Variants in AXDND1 observed in about 807,000 individuals in gnomAD.
AXDND1 encodes the protein axonemal dynein light chain domain containing 1.
AXDND1 carries 110 observed loss-of-function variants against 137.5 expected under a neutral mutation model. That is an observed-to-expected ratio of 0.80 (90% CI 0.69 to 0.94). The LOEUF is 0.94. Among genes scored for constraint, AXDND1 ranks in the 40% least tolerant of loss-of-function variants. The pLI is 0.00. For synonymous variants in AXDND1, 414 were observed against 399.7 expected (o/e 1.04, Z -0.43); for missense variants, 1,191 against 1,169.8 (o/e 1.02, Z -0.26).
chr1:179,404,780 TAAG>T (rs1036025082), intron 11 of AXDND1, among the ~76,000 whole-genome samples: 15 of 152,308 alleles, frequency 9.8e-5, no homozygotes, highest in Admixed American at 5.9e-4. Flanking sequence ...CAGAATCAGT[TAAG>T]AAGAATTCCC....
Position 179,368,829 on chromosome 1 carries a change from A to T in AXDND1, c.127A>T (p.Met43Leu). 6.2e-7 allele frequency: 1 copy of T among 1,613,266 alleles called. No individual in the cohort carries two copies. Among genetic ancestry groups the T allele is most frequent in the Non-Finnish European group, 8.5e-7 (1 of 1,179,652 alleles). Residue 43 changes from methionine (M) to leucine (L), a missense_variant, in exon 3 of 26, where the codon ATG becomes TTG. By Grantham distance (15) the Met-to-Leu change is conservative. Coordinates refer to ENST00000367618, the MANE Select transcript of AXDND1 (RefSeq NM_144696.6). Reference protein sequence around the residue: ...GLPELKEKKNMVDRSKLLPTS... With the variant: ...GLPELKEKKNLVDRSKLLPTS... The stretch of plus-strand genomic sequence containing the variant: ...TCCTGAGCTAAAGGAGAAAAAAAAT[A>T]TGGTGGATCGTTCAAAACTCCTTCC...
In AXDND1 at chr1:179,430,516, T is replaced by C. The variant is rs750668200; in HGVS notation, c.1397T>C (p.Leu466Pro). ...AAATGGAGAAACTTAGTGAATAAAC[T>C]TAAACAAGAGGTAGAACAAATGGAA... Reference protein sequence around the residue: ...TQKWRNLVNKLKQEVEQMEES... With the variant: ...TQKWRNLVNKPKQEVEQMEES... Residue 466 changes from leucine (L) to proline (P), a missense_variant, in exon 14 of 26, where the codon CTT (leucine) becomes CCT (proline). By Grantham distance (98) the Leu-to-Pro change is moderately conservative. Coordinates refer to ENST00000367618, the MANE Select transcript of AXDND1 (RefSeq NM_144696.6). 3 of 1,614,002 alleles carry C rather than the reference T, an allele frequency of 1.9e-6. No homozygotes were observed. The South Asian group carries it at 3.3e-5, about 18-fold the overall frequency.
chr1:179,541,298 C>T (rs1034275392), intron 25 of AXDND1, among the ~76,000 whole-genome samples: 7 of 152,276 alleles, frequency 4.6e-5, no homozygotes, highest in South Asian at 2.1e-4. Context: ...GATGAGGCGA[C>T]GCCCTGCCCT....
chr1:179,473,656 C>T (rs1664246102), intron 17 of AXDND1, among the ~76,000 whole-genome samples: 1 of 151,970 alleles, frequency 6.6e-6, no homozygotes, highest in Non-Finnish European at 1.5e-5. Context: ...GTGTCCCCAC[C>T]CAAATCTCAT....
rs747665105 is a variant in AXDND1, at chr1:179,385,240, G to A, written c.744G>A (p.Met248Ile). 1.7e-5 allele frequency: 28 copies of A among 1,608,496 alleles called. No homozygotes were observed. The highest frequency in any genetic ancestry group is 2.2e-5 in the South Asian group (2 of 90,896). The change falls in exon 9 of 26, where the codon ATG becomes ATA. Residue 248 changes from methionine to isoleucine, a missense_variant and splice_region_variant. Physicochemically the swap from Met to Ile is conservative, Grantham distance 10. Transcript: ENST00000367618. ...ENQEYTGPTK[M>I]HKLLHILKKE... is the part of the protein sequence containing the mutation. ...TTATGTTACTTACCTTCTGACAGAT[G>A]CACAAACTACTACATATATTGAAGA... is the stretch of plus-strand genomic sequence containing the variant.
At chr1:179,399,154 AT>A (rs1571644790) in intron 11 of AXDND1, among the ~76,000 whole-genome samples, 1 of 152,256 alleles carries the variant, frequency 6.6e-6, no homozygotes, top group East Asian at 1.9e-4. Context: ...TACAATCAAC[AT>A]TTTTTCAGTT....
At chr1:179,551,562 A>G (rs1673287513) in intron 25 of AXDND1, 1 of 1,234,294 alleles carries the variant, frequency 8.1e-7, no homozygotes, top group Non-Finnish European at 1.2e-6. Flanking sequence ...TGTGGCAAGC[A>G]CGGTTAAGCA....
chr1:179,518,394 T>G (rs557985055), intron 21 of AXDND1, among the ~76,000 whole-genome samples: 5 of 151,878 alleles, frequency 3.3e-5, no homozygotes, highest in Non-Finnish European at 7.4e-5. Context: ...TCTTTTTTTT[T>G]TTTTTGACTT....
intron 12 of AXDND1, among the ~76,000 whole-genome samples, chr1:179,417,428 A>G (rs1654874312): frequency 6.6e-6 from 1 of 152,096 alleles, no homozygotes; most frequent in African/African-American, 2.4e-5. Flanking sequence ...TGCCCAAACC[A>G]ATGTCCTAGA....
At chr1:179,541,224 G>A (rs1672102543) in intron 25 of AXDND1, among the ~76,000 whole-genome samples, 1 of 152,174 alleles carries the variant, frequency 6.6e-6, no homozygotes, top group African/African-American at 2.4e-5. Flanking sequence ...GTCGCACCTG[G>A]TACAGTCTCT....
chr1:179,491,066 G>A (rs1666841003), intron 18 of AXDND1, among the ~76,000 whole-genome samples: 1 of 152,184 alleles, frequency 6.6e-6, no homozygotes, highest in South Asian at 2.1e-4. Flanking sequence ...GTTCACGCCT[G>A]TAATCCTAGC....
intron 18 of AXDND1, among the ~76,000 whole-genome samples, chr1:179,490,653 C>A (rs1045678479): frequency 5.9e-5 from 9 of 152,152 alleles, no homozygotes; most frequent in African/African-American, 1.7e-4. Flanking sequence ...ATACCACTTA[C>A]CAATGTAAGG....
chr1:179,415,916 A>C (rs1654633540), intron 12 of AXDND1, among the ~76,000 whole-genome samples: 1 of 152,162 alleles, frequency 6.6e-6, no homozygotes, highest in Non-Finnish European at 1.5e-5. Context: ...ATCATCTAAA[A>C]TATTTGTCTT....
chr1:179,384,418 G>C (rs1182144153), intron 8 of AXDND1, among the ~76,000 whole-genome samples: 1 of 152,126 alleles, frequency 6.6e-6, no homozygotes, highest in Non-Finnish European at 1.5e-5. Flanking sequence ...TGATATGATA[G>C]TATTATCTGA....
chr1:179,455,438 A>T (rs1483790072), intron 16 of AXDND1: 1 of 150,554 alleles, frequency 6.6e-6, no homozygotes, highest in Non-Finnish European at 1.5e-5. Flanking sequence ...TACAAATACA[A>T]AAAAAATTAG....
chr1:179,425,415 G>A (rs920806124), intron 12 of AXDND1, among the ~76,000 whole-genome samples: 10 of 152,324 alleles, frequency 6.6e-5, no homozygotes, highest in Admixed American at 2.6e-4. Flanking sequence ...CTCACATGGA[G>A]TCTCCTTTGG....
chr1:179,551,819 G>T, intron 25 of AXDND1: 1 of 274,692 alleles, frequency 3.6e-6, no homozygotes, highest in Non-Finnish European at 7.0e-6. Context: ...GAAAGTGAAT[G>T]GGTAAACATT....
At chr1:179,441,184 A>C (rs1290134820) in intron 15 of AXDND1, among the ~76,000 whole-genome samples, 1 of 152,224 alleles carries the variant, frequency 6.6e-6, no homozygotes, top group Non-Finnish European at 1.5e-5. Context: ...AATTTTGAGC[A>C]GCACTGATTG....
intron 21 of AXDND1, among the ~76,000 whole-genome samples, chr1:179,522,538 G>A (rs867415523): frequency 2.4e-4 from 36 of 152,030 alleles, no homozygotes; most frequent in Middle Eastern, 7.0e-3. Flanking sequence ...ATACAACATG[G>A]TACATTGAAA....
Sources: gnomAD v4.1 joint callset for allele counts (sites outside exome capture counted in the v4.1 genomes callset) on GRCh38, gnomAD v4.1.1 for gene constraint, MANE v1.5 for transcripts, NCBI Gene and HGNC (gene_info 2026-07-23, HGNC 2026-07-21) for gene names.